BBOF1: variants seen among roughly 807,000 people sequenced by gnomAD.
The protein encoded by BBOF1 is basal body orientation factor 1, also known as basal body-orientation factor 1.
In BBOF1, 62 loss-of-function variants were observed where a neutral mutation model predicts 68.0. The ratio of observed to expected loss-of-function variants is 0.91; its 90% CI spans 0.74 to 1.13. The LOEUF (loss-of-function observed/expected upper bound fraction) is 1.13. BBOF1 is among the 50% of genes most tolerant of loss of function. The pLI is 0.00. For synonymous variants in BBOF1, 208 were observed against 198.8 expected, an observed-to-expected ratio of 1.05 and a Z score of -0.39; for missense variants, 534 against 600.1, an observed-to-expected ratio of 0.89 and a Z score of 1.15.
chr14:74,028,545 G>A (rs1321537440), intron 2 of BBOF1, among the ~76,000 whole-genome samples: 1 of 147,296 alleles, frequency 6.8e-6, no homozygotes, highest in African/African-American at 2.5e-5. Flanking sequence ...CAAAATTAAT[G>A]TATATGGGTG....
At chr14:74,069,104 T>TTC (rs1481959382), downstream of BBOF1, 45 of 738,574 alleles carry the variant, frequency 6.1e-5, no homozygotes, top group East Asian at 5.5e-4. Context: ...ACTTTTTCTT[T>TTC]TTTTTTTTTT....
chr14:74,062,051 GAAAAA>G (rs369414700), intron 11 of BBOF1, among the ~76,000 whole-genome samples: 931 of 59,536 alleles, frequency 0.016, 27 homozygotes, highest in African/African-American at 0.053. Flanking sequence ...TCTCTACTGG[GAAAAA>G]AAAAAAAAAA....
chr14:74,029,199 C>T lies in BBOF1; in HGVS notation c.301C>T (p.Gln101Ter). The change falls in exon 3 of 12, where the codon CAG becomes TAG. Residue 101 changes from glutamine to a stop codon, truncating the protein, a stop_gained. Coordinates refer to ENST00000394009, the MANE Select transcript of BBOF1 (RefSeq NM_025057.3). LOFTEE classifies it high-confidence loss of function. ...EKDNMIEKLK[Q>*]QLNETKEKAQ... The stretch of plus-strand genomic sequence containing the variant: ...TTTTCAACAGATTGAAAAACTGAAA[C>T]AGCAATTAAATGAAACAAAGGAAAA... 3 of 1,559,698 alleles carry T rather than the reference C, an allele frequency of 1.9e-6. No individual in the cohort carries two copies. The highest frequency in any genetic ancestry group is 2.4e-5 in the South Asian group (2 of 84,648).
At chr14:74,046,172 T>G in intron 6 of BBOF1, 42 bp downstream of exon 6, 11 of 1,501,076 alleles carry the variant, frequency 7.3e-6, no homozygotes, top group African/African-American at 1.4e-5. Flanking sequence ...ATTACCTCTC[T>G]TACCTCTTTG....
chr14:74,024,034 A>C (rs2059369028), intron 2 of BBOF1, among the ~76,000 whole-genome samples: 1 of 152,074 alleles, frequency 6.6e-6, no homozygotes. Flanking sequence ...TTCTTTTACT[A>C]ACCTCCTATT....
rs200789839 is a variant in BBOF1, at chr14:74,055,438, C to T, written c.1287-146C>T. ...TGCTGGGATTACAGGTGTGAGCCAC[C>T]GCGCCTGGCCTGTAGTTGTTTCATA... is the stretch of plus-strand genomic sequence containing the variant. On this transcript the variant is annotated intron_variant, in intron 8 of 11. Transcript: ENST00000394009. 1,325 of 601,038 alleles carry T rather than the reference C, an allele frequency of 2.2e-3. 1 individual carries two copies. The highest frequency in any genetic ancestry group is 3.1e-3 in the Non-Finnish European group (1,068 of 345,892). The allele number at this position is 601,038 out of a possible 1,614,324, so 37.2% of individuals were successfully genotyped here.
At chr14:74,074,988 G>A (rs548540518) in intron 9 of BBOF1, 1 of 1,614,038 alleles carries the variant, frequency 6.2e-7, no homozygotes, top group East Asian at 2.2e-5. Context: ...CTGAATACCA[G>A]GTGGGACTGG....
chr14:74,027,890 G>A (rs377256862), intron 2 of BBOF1, among the ~76,000 whole-genome samples: 3 of 152,084 alleles, frequency 2.0e-5, no homozygotes, highest in South Asian at 2.1e-4. Flanking sequence ...TAAATGCAAC[G>A]CATGATCAAG....
At chr14:74,022,811 TAAA>T (rs962224281) in intron 1 of BBOF1, 102 bp from the exon 2 acceptor site, 2 of 477,648 alleles carry the variant, frequency 4.2e-6, no homozygotes, top group Non-Finnish European at 3.5e-6. Context: ...GCAAAACAAA[TAAA>T]AAAAGAGAAA....
At chr14:74,063,400 G>T (rs904554589) in intron 11 of BBOF1, among the ~76,000 whole-genome samples, 4 of 151,354 alleles carry the variant, frequency 2.6e-5, no homozygotes, top group African/African-American at 4.8e-5. Flanking sequence ...GGCCAGATTG[G>T]TCTCAAACTC....
intron 12 of BBOF1, chr14:74,081,327 A>C (rs1368087907): frequency 6.6e-6 from 1 of 152,228 alleles, no homozygotes; most frequent in Non-Finnish European, 1.5e-5. Flanking sequence ...GTACTCGCCA[A>C]GCAATCATTT....
chr14:74,071,542 AG>A lies in BBOF1; in HGVS notation n.1380-6653del, dbSNP rs753783668. On this transcript the variant is annotated intron_variant and non_coding_transcript_variant, in intron 9 of 12. Coordinates refer to the BBOF1 transcript ENST00000492026. Reference sequence around the variant, plus strand: ...CCATCAGCTCTCCACACTGTGTACTAGTTAGCTTTGTCCTGTTCTCTTCAGC... The same window carrying A: ...CCATCAGCTCTCCACACTGTGTACTATTAGCTTTGTCCTGTTCTCTTCAGC... 423 of 1,612,526 alleles carry A rather than the reference AG, an allele frequency of 2.6e-4. 1 individual carries two copies. The highest frequency in any genetic ancestry group is 1.8e-3 in the Middle Eastern group (9 of 4,886).
intron 9 of BBOF1, among the ~76,000 whole-genome samples, chr14:74,076,359 T>A (rs572266172): frequency 2.6e-5 from 4 of 152,098 alleles, no homozygotes; most frequent in Admixed American, 1.3e-4. Flanking sequence ...TCTGTATATA[T>A]GTTATCAAAG....
chr14:74,064,556 T>G, intron 11 of BBOF1, 132 bp from the exon 12 acceptor site: 1 of 801,598 alleles, frequency 1.2e-6, no homozygotes, highest in East Asian at 2.5e-5. Context: ...GGGAAGAGGG[T>G]CACACACTCA....
intron 9 of BBOF1, chr14:74,074,880 G>T: frequency 7.0e-7 from 1 of 1,437,582 alleles, no homozygotes; most frequent in Non-Finnish European, 9.8e-7. Flanking sequence ...TGACAATTAT[G>T]TAAAGAAGAT....
At position 74,050,151 on chromosome 14, in the gene BBOF1, C is replaced by T; in HGVS notation, c.1242C>T (p.His414=). Residue 414 remains histidine (H), a synonymous_variant, in exon 8 of 12, where the codon CAC becomes CAT. Transcript: ENST00000394009. ...PKIRTFDGRE[H]STNSVNQDLL... ...TCAGAACATTTGATGGCAGAGAGCA[C>T]AGCACCAATAGTGTGAATCAGGATC... The T allele has an allele frequency of 1.3e-6, 2 of 1,597,034 alleles. No homozygotes were observed. Among genetic ancestry groups the T allele is most frequent in the South Asian group, 2.3e-5 (2 of 87,590 alleles).
chr14:74,052,547 A>G (rs2060091260), intron 8 of BBOF1, among the ~76,000 whole-genome samples: 1 of 152,118 alleles, frequency 6.6e-6, no homozygotes, highest in African/African-American at 2.4e-5. Flanking sequence ...CAGGAGGCTG[A>G]GGCAGGAGAA....
intron 1 of BBOF1, among the ~76,000 whole-genome samples, chr14:74,021,864 G>A (rs954129002): frequency 5.3e-5 from 8 of 151,566 alleles, no homozygotes; most frequent in Non-Finnish European, 8.8e-5. Context: ...CCGAGATCAC[G>A]CCACTGCTCT....
chr14:74,035,578 C>G (rs12890479), intron 4 of BBOF1, among the ~76,000 whole-genome samples: 15,523 of 135,298 alleles, frequency 0.11, 1,160 homozygotes, highest in Admixed American at 0.19. Flanking sequence ...CCACCACCCC[C>G]AGCTAATTTT....
Sources: gnomAD v4.1 joint callset for allele counts (sites outside exome capture counted in the v4.1 genomes callset) on GRCh38, gnomAD v4.1.1 for gene constraint, MANE v1.5 for transcripts, NCBI Gene and HGNC (gene_info 2026-07-23, HGNC 2026-07-21) for gene names.